Variants in XPO5 observed in about 807,000 individuals in gnomAD.
XPO5 encodes the protein exportin-5.
XPO5 carries 46 observed loss-of-function variants against 160.6 expected under a neutral mutation model. The ratio of observed to expected loss-of-function variants is 0.29; its 90% confidence interval spans 0.23 to 0.37. The LOEUF is 0.37. XPO5 is among the 10% of genes least tolerant of loss of function. The pLI is 1.00. For missense variants in XPO5, 1,090 were observed against 1,463.9 expected (o/e 0.74, Z 4.17); for synonymous variants, 537 against 519.3 (o/e 1.03, Z -0.46).
In XPO5 at chr6:43,548,370, C is replaced by A. The variant is rs200950847; in HGVS notation, c.1951G>T (p.Ala651Ser). 6.2e-7 allele frequency: 1 copy of A among 1,613,518 alleles called. No individual in the cohort carries two copies. Among genetic ancestry groups the A allele is most frequent in the Non-Finnish European group, 8.5e-7 (1 of 1,179,606 alleles). Residue 651 changes from alanine to serine, a missense_variant, in exon 18 of 32, where the codon GCC (alanine) becomes TCC (serine). Ala to Ser is a moderately conservative substitution (Grantham distance 99, BLOSUM62 1). This residue lies in a region of XPO5 where 810 missense variants were observed against 1,139.0 expected (regional missense o/e 0.71). Coordinates refer to ENST00000265351, the MANE Select transcript of XPO5 (RefSeq NM_020750.3). ...TQMEKCALME[A>S]LVLISNQFKN... ...AATTGGTTGCTAATGAGAACCAGGG[C>A]TTCCATGAGGGCACACTTCTCCATT...
Position 43,576,031 on chromosome 6 carries a change from C to A in XPO5, c.-167G>T. 1.7e-6 allele frequency: 1 copy of A among 580,330 alleles called. No homozygotes were observed. Among genetic ancestry groups the A allele is most frequent in the Non-Finnish European group, 2.9e-6 (1 of 343,794 alleles). The allele number at this position is 580,330 out of a possible 1,614,324, so 35.9% of individuals were successfully genotyped here. On this transcript the variant is annotated 5_prime_UTR_variant, in exon 1 of 32. Coordinates refer to ENST00000265351, the MANE Select transcript of XPO5 (RefSeq NM_020750.3). ...AACTCGCGCTGGGAAGAAGCCGGCG[C>A]TGCGCACGCGCCCGGCCCGCCACTG...
chr6:43,558,570 C>CT lies in XPO5; in HGVS notation c.1242dup (p.Asp415ArgfsTer4), dbSNP rs1212298139. 1 of 1,597,126 alleles carries CT rather than the reference C, an allele frequency of 6.3e-7. No individual in the cohort carries two copies. Among genetic ancestry groups the CT allele is most frequent in the Non-Finnish European group, 8.5e-7 (1 of 1,172,330 alleles). ...CGAGAATATTCACAGCTAGGGCTGT[C>CT]TGTTTTAGAAGGAAAGCCCATCTGG... On this transcript the variant is annotated frameshift_variant, in exon 12 of 32. Transcript: ENST00000265351. LOFTEE classifies it high-confidence loss of function.
chr6:43,527,933 TTAAAA>T (rs1404586797), intron 25 of XPO5, among the ~76,000 whole-genome samples: 4 of 152,182 alleles, frequency 2.6e-5, no homozygotes, highest in African/African-American at 9.7e-5. Context: ...CATTACAGAA[TTAAAA>T]TAAGTGAGTA....
intron 20 of XPO5, among the ~76,000 whole-genome samples, chr6:43,537,392 T>TG (rs1266495730): frequency 2.0e-5 from 3 of 152,204 alleles, no homozygotes; most frequent in Non-Finnish European, 4.4e-5. Flanking sequence ...AAGGATTATC[T>TG]GCTAAAAAAC....
At position 43,524,517 on chromosome 6, in the gene XPO5, T is replaced by C; in HGVS notation, c.3431A>G (p.Lys1144Arg). 6.2e-7 allele frequency: 1 copy of C among 1,613,958 alleles called. No homozygotes were observed. The highest frequency in any genetic ancestry group is 8.5e-7 in the Non-Finnish European group (1 of 1,179,886). ...LNPSLQKVADKRRKDQFKRLI... is the reference protein window; with the variant it reads ...LNPSLQKVADRRRKDQFKRLI... ...GCGTTTGAATTGGTCCTTTCGGCGC[T>C]TGTCAGCCACTTTCTGCAGGGAGGG... The change falls in exon 31 of 32, where the codon AAG (lysine) becomes AGG (arginine). Residue 1144 changes from lysine to arginine, a missense_variant. This residue lies in a region of XPO5 where 810 missense variants were observed against 1,139.0 expected (regional missense o/e 0.71). Coordinates refer to ENST00000265351, the MANE Select transcript of XPO5 (RefSeq NM_020750.3).
rs764271537 is a variant in XPO5, at chr6:43,524,787, T to C, written c.3312+44A>G. 3.7e-6 allele frequency: 6 copies of C among 1,600,090 alleles called. No homozygotes were observed. In the African/African-American group the frequency reaches 6.8e-5, roughly 18 times the overall value. ...CCCAAGAGACTAGGAGCAGACTGAG[T>C]GATGAAGCTGCAGCCATCCTTCCCC... On this transcript the variant is annotated intron_variant, in intron 30 of 31. Transcript: ENST00000265351.
intron 7 of XPO5, among the ~76,000 whole-genome samples, chr6:43,566,873 T>C (rs75311766): frequency 0.012 from 1,850 of 151,628 alleles, 41 homozygotes; most frequent in African/African-American, 0.043. Context: ...CCAAGATTCC[T>C]TGACATTCAT....
chr6:43,559,064 A>C (rs1762264647), intron 11 of XPO5: 3 of 152,988 alleles, frequency 2.0e-5, no homozygotes, highest in Admixed American at 1.3e-4. Context: ...TGGGAGGCCG[A>C]GGCGGGTGGA....
intron 22 of XPO5, 39 bp from the exon 23 acceptor site, chr6:43,530,863 C>T: frequency 1.3e-6 from 2 of 1,590,396 alleles, no homozygotes; most frequent in Non-Finnish European, 1.7e-6. Flanking sequence ...AATGACAAAT[C>T]CAACATCTGT....
chr6:43,531,168 C>T (rs79568089), intron 22 of XPO5, among the ~76,000 whole-genome samples: 1,998 of 152,270 alleles, frequency 0.013, 22 homozygotes, highest in Non-Finnish European at 0.021. Flanking sequence ...AGAAGTATGC[C>T]GCAAGCAGTG....
chr6:43,523,597 T>C lies in XPO5; in HGVS notation c.*271A>G, dbSNP rs55671916. ...GAGAAGGGCTGCTCTGCTCTAGCTT[T>C]TCTTGGAAAAGCCAAATCTCCAAGT... is the stretch of plus-strand genomic sequence containing the variant. On this transcript the variant is annotated 3_prime_UTR_variant, in exon 32 of 32. Coordinates refer to ENST00000265351, the MANE Select transcript of XPO5 (RefSeq NM_020750.3). 33,446 of 659,036 alleles carry C rather than the reference T, an allele frequency of 0.051. 1,059 individuals are homozygous for C. Among genetic ancestry groups the C allele is most frequent in the Non-Finnish European group, 0.066 (22,795 of 347,924 alleles). The allele number at this position is 659,036 out of a possible 1,614,324, so 40.8% of individuals were successfully genotyped here.
chr6:43,535,845 G>A (rs939999754), intron 20 of XPO5, among the ~76,000 whole-genome samples: 5 of 149,626 alleles, frequency 3.3e-5, no homozygotes, highest in Non-Finnish European at 3.0e-5. Context: ...ATTCTAGGCC[G>A]GGCGCAGTGG....
chr6:43,553,015 T>G (rs1795324456), intron 14 of XPO5, among the ~76,000 whole-genome samples: 1 of 152,206 alleles, frequency 6.6e-6, no homozygotes, highest in Non-Finnish European at 1.5e-5. Flanking sequence ...ATTTTCCTAT[T>G]CTACTACCAG....
chr6:43,557,451 TA>T (rs1432116928), intron 12 of XPO5, among the ~76,000 whole-genome samples: 4 of 152,020 alleles, frequency 2.6e-5, no homozygotes, highest in Non-Finnish European at 5.9e-5. Flanking sequence ...CAAGTACTGA[TA>T]AATGTTGTAA....
At chr6:43,561,327 C>T (rs570088495) in intron 9 of XPO5, 30 of 261,810 alleles carry the variant, frequency 1.1e-4, no homozygotes, top group African/African-American at 5.1e-4. Context: ...CAGACCTTAC[C>T]TATTCACATC....
At chr6:43,574,719 T>C (rs1163324880) in intron 1 of XPO5, among the ~76,000 whole-genome samples, 2 of 152,050 alleles carry the variant, frequency 1.3e-5, no homozygotes, top group African/African-American at 4.8e-5. Context: ...GGATAGGCGG[T>C]GGAAAAAGTA....
chr6:43,538,210 C>T (rs949686403), intron 20 of XPO5, among the ~76,000 whole-genome samples: 43 of 115,850 alleles, frequency 3.7e-4, no homozygotes, highest in East Asian at 6.1e-4. Context: ...AGTACAATGG[C>T]GTGATCTCAG....
intron 21 of XPO5, among the ~76,000 whole-genome samples, 161 bp from the exon 22 acceptor site, chr6:43,531,736 T>G (rs1793993765): frequency 6.6e-6 from 1 of 152,056 alleles, no homozygotes; most frequent in Admixed American, 6.6e-5. Context: ...ACTCTTTTGG[T>G]AGGAGAAGGT....
chr6:43,542,512 C>A (rs148404554), intron 20 of XPO5, among the ~76,000 whole-genome samples: 1 of 152,046 alleles, frequency 6.6e-6, no homozygotes, highest in Non-Finnish European at 1.5e-5. Context: ...CAAGTTCAAG[C>A]GATTCTCCTA....
Sources: gnomAD v4.1 joint callset for allele counts (sites outside exome capture counted in the v4.1 genomes callset) on GRCh38, gnomAD v4.1.1 for gene constraint, gnomAD v4.1.1 regional missense constraint, MANE v1.5 for transcripts, NCBI Gene and HGNC (gene_info 2026-07-23, HGNC 2026-07-21) for gene names.